NUAK1: variants seen among roughly 807,000 people sequenced by gnomAD.
NUAK1 encodes the protein NUAK family kinase 1, also known as NUAK family SNF1-like kinase 1.
Under a neutral mutation model 56.9 loss-of-function variants are expected in NUAK1, and 26 were observed. The ratio of observed to expected loss-of-function variants is 0.46; its 90% CI spans 0.33 to 0.63. The LOEUF (loss-of-function observed/expected upper bound fraction) is 0.63, where lower values mean the gene tolerates loss of function less well. NUAK1 is among the 30% of genes least tolerant of loss of function. The pLI is 0.02. For synonymous variants in NUAK1, 337 were observed against 336.0 expected, an observed-to-expected ratio of 1.00 and a Z score of -0.03; for missense variants, 727 against 876.1, an observed-to-expected ratio of 0.83 and a Z score of 2.15.
At chr12:106,079,978 A>G (rs2032499659) in intron 4 of NUAK1, among the ~76,000 whole-genome samples, 1 of 152,232 alleles carries the variant, frequency 6.6e-6, no homozygotes, top group African/African-American at 2.4e-5. Context: ...TTGCCCAGAA[A>G]AGACGTTCAA....
At position 106,070,687 on chromosome 12, in the gene NUAK1, C is replaced by T; in HGVS notation, c.832+87G>A. 19 of 1,527,212 alleles carry T rather than the reference C, an allele frequency of 1.2e-5. No homozygotes were observed. The South Asian group carries it at 1.9e-4, about 16-fold the overall frequency. 94.6% of individuals were successfully genotyped at this position (1,527,212 alleles called of 1,614,324 possible). On this transcript the variant is annotated intron_variant, in intron 6 of 6. Transcript: ENST00000261402. The stretch of plus-strand genomic sequence containing the variant: ...GGAAAACCAGGTGACTCCAGACAGA[C>T]ATACTAAAACAAAAGCAGAAAATAA...
At chr12:106,095,545 A>G (rs2032688463) in intron 2 of NUAK1, among the ~76,000 whole-genome samples, 1 of 152,200 alleles carries the variant, frequency 6.6e-6, no homozygotes, top group Non-Finnish European at 1.5e-5. Context: ...TGCTAAAATG[A>G]AGCCTCTACC....
Position 106,067,942 on chromosome 12 carries a change from G to T in NUAK1, c.846C>A (p.Leu282=), listed in dbSNP as rs762125817. 1.2e-6 allele frequency: 2 copies of T among 1,606,138 alleles called. No individual in the cohort carries two copies. Among genetic ancestry groups the T allele is most frequent in the Admixed American group, 3.4e-5 (2 of 59,564 alleles). ...GGTTCACCATCAGCATCCACCGTATGAGTCCTCGAGCATCTAAGGGACAAG... is the reference window on the plus strand; with the variant it reads ...GGTTCACCATCAGCATCCACCGTATTAGTCCTCGAGCATCTAAGGGACAAG... ...EPTQPSDARG[L]IRWMLMVNPD... The change falls in exon 7 of 7, where the codon CTC becomes CTA. Residue 282 remains leucine (L), a synonymous_variant. Coordinates refer to ENST00000261402, the MANE Select transcript of NUAK1 (RefSeq NM_014840.3). The surrounding 1 kb of genome is among the most constrained non-coding windows in gnomAD (Gnocchi z 6.0).
At chr12:106,118,401 T>C (rs1483314264) in intron 1 of NUAK1, among the ~76,000 whole-genome samples, 1 of 152,216 alleles carries the variant, frequency 6.6e-6, no homozygotes, top group Non-Finnish European at 1.5e-5. Context: ...TGGAAATATG[T>C]GGTAAGGAAG....
chr12:106,100,502 G>A (rs1214602249), intron 2 of NUAK1, among the ~76,000 whole-genome samples: 1 of 152,132 alleles, frequency 6.6e-6, no homozygotes, highest in African/African-American at 2.4e-5. Flanking sequence ...TCAGCTCAAG[G>A]CTCAGTCCGA....
At chr12:106,113,585 A>G (rs2032886887) in intron 1 of NUAK1, among the ~76,000 whole-genome samples, 1 of 151,328 alleles carries the variant, frequency 6.6e-6, no homozygotes, top group African/African-American at 2.4e-5. Flanking sequence ...CTGCACTCTG[A>G]GGTTTGAGAG....
chr12:106,073,317 G>A (rs2032425181), intron 4 of NUAK1, among the ~76,000 whole-genome samples: 1 of 152,046 alleles, frequency 6.6e-6, no homozygotes, highest in Non-Finnish European at 1.5e-5. Context: ...CTACACAACT[G>A]GTGATACCAC....
chr12:106,126,325 G>T (rs1190233871), intron 1 of NUAK1, among the ~76,000 whole-genome samples: 1 of 152,180 alleles, frequency 6.6e-6, no homozygotes, highest in Non-Finnish European at 1.5e-5. Flanking sequence ...TTTTAAACCA[G>T]CTACCTGGGA....
At chr12:106,131,256 G>T (rs188711830) in intron 1 of NUAK1, among the ~76,000 whole-genome samples, 3 of 152,006 alleles carry the variant, frequency 2.0e-5, no homozygotes, top group Admixed American at 2.0e-4. Flanking sequence ...GGGGTTTTTA[G>T]TATATTCGGA....
Position 106,138,303 on chromosome 12 carries a change from C to T in NUAK1, c.240+111G>A, listed in dbSNP as rs998420742. ...CTGTCTCGGGGCTTCCCAATGAGCCCCCTCTCTGTCAAGAGAGCCCCAGGG... is the reference window on the plus strand; with the variant it reads ...CTGTCTCGGGGCTTCCCAATGAGCCTCCTCTCTGTCAAGAGAGCCCCAGGG... On this transcript the variant is annotated intron_variant, in intron 1 of 6. Coordinates refer to ENST00000261402, the MANE Select transcript of NUAK1 (RefSeq NM_014840.3). The surrounding 1 kb of genome is among the most constrained non-coding windows in gnomAD (Gnocchi z 5.0). The T allele has an allele frequency of 2.7e-5, 38 of 1,393,716 alleles. No homozygotes were observed. The Admixed American group carries it at 1.0e-3, about 38-fold the overall frequency. 86.3% of individuals were successfully genotyped at this position (1,393,716 alleles called of 1,614,324 possible).
intron 2 of NUAK1, among the ~76,000 whole-genome samples, chr12:106,092,513 T>C (rs1383373746): frequency 6.6e-6 from 1 of 151,968 alleles, no homozygotes; most frequent in African/African-American, 2.4e-5. Context: ...AAAAATGGAA[T>C]CACGTAGTAT....
intron 1 of NUAK1, among the ~76,000 whole-genome samples, chr12:106,117,347 C>A (rs59221949): frequency 0.055 from 8,367 of 152,238 alleles, 421 homozygotes; most frequent in African/African-American, 0.14. Flanking sequence ...ATGCATGGCT[C>A]CCCCATTTCT....
At chr12:106,129,792 C>G (rs1293564490) in intron 1 of NUAK1, among the ~76,000 whole-genome samples, 1 of 152,190 alleles carries the variant, frequency 6.6e-6, no homozygotes, top group Non-Finnish European at 1.5e-5. Flanking sequence ...TGATGGCAAT[C>G]TCACTTGGTA....
In NUAK1 at chr12:106,100,680, G is replaced by T. The variant is rs554134815; in HGVS notation, c.361+5725C>A. On this transcript the variant is annotated intron_variant, in intron 2 of 6. Transcript: ENST00000261402. ...TAGCATTTTTGTTAATGAATAAATC[G>T]CTTTTTCTCTAGAACTAGTATTTCA... 2.0e-5 allele frequency among the ~76,000 whole-genome samples: 3 copies of T among 152,126 alleles called. No individual in the cohort carries two copies. In the East Asian group the frequency reaches 5.8e-4, roughly 29 times the overall value.
At chr12:106,131,421 A>T (rs988562614) in intron 1 of NUAK1, among the ~76,000 whole-genome samples, 1 of 152,184 alleles carries the variant, frequency 6.6e-6, no homozygotes, top group Non-Finnish European at 1.5e-5. Context: ...GACATTACAT[A>T]CAAATGGAAT....
chr12:106,127,092 G>A (rs1369502098), intron 1 of NUAK1, among the ~76,000 whole-genome samples: 2 of 152,202 alleles, frequency 1.3e-5, no homozygotes, highest in Non-Finnish European at 2.9e-5. Flanking sequence ...TGACAACCTA[G>A]GAGTTAAGTT....
At chr12:106,079,155 G>C (rs1452078272) in intron 4 of NUAK1, among the ~76,000 whole-genome samples, 1 of 152,170 alleles carries the variant, frequency 6.6e-6, no homozygotes, top group Non-Finnish European at 1.5e-5. Context: ...ACCCACCCCG[G>C]TGGAGACATT....
intron 2 of NUAK1, among the ~76,000 whole-genome samples, chr12:106,103,739 G>T (rs979148620): frequency 6.6e-6 from 1 of 152,148 alleles, no homozygotes; most frequent in African/African-American, 2.4e-5. Flanking sequence ...GAAGGGACCC[G>T]GTGGGAGGTA....
chr12:106,082,169 CA>C (rs1157976208), intron 4 of NUAK1, among the ~76,000 whole-genome samples: 1 of 152,226 alleles, frequency 6.6e-6, no homozygotes, highest in East Asian at 1.9e-4. Context: ...CACACAGTAA[CA>C]GTTCAGAAAA....
Sources: gnomAD v4.1 joint callset for allele counts (sites outside exome capture counted in the v4.1 genomes callset) on GRCh38, gnomAD v4.1.1 for gene constraint, Gnocchi (gnomAD v3.1) non-coding constraint, MANE v1.5 for transcripts, NCBI Gene and HGNC (gene_info 2026-07-23, HGNC 2026-07-21) for gene names.